Variants in ARHGAP32 observed in about 807,000 individuals in gnomAD.
ARHGAP32 encodes Rho GTPase activating protein 32, also known as rho GTPase-activating protein 32.
ARHGAP32 carries 51 observed loss-of-function variants against 186.5 expected under a neutral mutation model. That is an observed-to-expected ratio of 0.27 (90% confidence interval 0.22 to 0.35). The LOEUF (loss-of-function observed/expected upper bound fraction) is 0.35. Ranked by LOEUF, ARHGAP32 falls within the 10% of genes least tolerant of loss-of-function variation. The probability of loss-of-function intolerance (pLI) is 1.00; values close to 1 mark genes in which losing one functional copy is unlikely to be tolerated. For synonymous variants in ARHGAP32, 950 were observed against 964.3 expected (o/e 0.99, Z 0.27); for missense variants, 2,186 against 2,623.5 (o/e 0.83, Z 3.64).
intron 1 of ARHGAP32, among the ~76,000 whole-genome samples, chr11:129,166,242 A>G (rs1413317382): frequency 6.6e-6 from 1 of 152,064 alleles, no homozygotes; most frequent in African/African-American, 2.4e-5. Context: ...AGTATAAAGG[A>G]TGAGAGACTT....
intron 1 of ARHGAP32, among the ~76,000 whole-genome samples, chr11:129,271,418 G>A (rs571936254): frequency 6.6e-6 from 1 of 152,216 alleles, no homozygotes; most frequent in Admixed American, 6.5e-5. Flanking sequence ...CGCAAGTGGT[G>A]GATGATGATG....
At chr11:129,018,679 A>T (rs1938465293) in intron 11 of ARHGAP32, among the ~76,000 whole-genome samples, 1 of 152,194 alleles carries the variant, frequency 6.6e-6, no homozygotes. Flanking sequence ...AGCTTAACCA[A>T]CAAAGCTTTT....
At chr11:129,237,167 G>A (rs1052979639) in intron 1 of ARHGAP32, among the ~76,000 whole-genome samples, 6 of 152,086 alleles carry the variant, frequency 3.9e-5, no homozygotes, top group Non-Finnish European at 8.8e-5. Context: ...TTTTGTTGAG[G>A]ATTTTGGCAT....
chr11:129,265,219 T>C (rs1945380498), intron 1 of ARHGAP32, among the ~76,000 whole-genome samples: 1 of 152,190 alleles, frequency 6.6e-6, no homozygotes. Flanking sequence ...TGCATTCTAG[T>C]ACCTATCATC....
chr11:129,133,098 C>T (rs151302777), intron 2 of ARHGAP32, among the ~76,000 whole-genome samples: 1,537 of 152,064 alleles, frequency 0.01, 27 homozygotes, highest in African/African-American at 0.035. Flanking sequence ...GAAGGAGGCA[C>T]GTCTTACATG....
At chr11:129,042,474 T>C (rs1022946219) in intron 10 of ARHGAP32, among the ~76,000 whole-genome samples, 1 of 152,232 alleles carries the variant, frequency 6.6e-6, no homozygotes, top group Admixed American at 6.5e-5. Context: ...CTCAACTTCC[T>C]ATTTTACGGA....
upstream of ARHGAP32, among the ~76,000 whole-genome samples, chr11:129,193,584 TATAATATATGTTATATATAATATATA>T (rs1944324853): frequency 1.5e-4 from 8 of 52,358 alleles, no homozygotes; most frequent in African/African-American, 5.3e-4. Flanking sequence ...ATATATATTA[TATAATATATGTTATATATAATATATA>T]ATATATGTTA....
intron 11 of ARHGAP32, among the ~76,000 whole-genome samples, chr11:129,009,583 C>T (rs1937967595): frequency 1.3e-5 from 2 of 152,166 alleles, no homozygotes; most frequent in Admixed American, 6.5e-5. Flanking sequence ...TGAGAACATG[C>T]AGTGTTTAGT....
At chr11:129,103,254 G>A (rs897216996) in intron 5 of ARHGAP32, among the ~76,000 whole-genome samples, 2 of 152,016 alleles carry the variant, frequency 1.3e-5, no homozygotes, top group South Asian at 2.1e-4. Flanking sequence ...TAGAAAATGC[G>A]AAAAATGATT....
At chr11:129,161,415 AG>A (rs1943527089) in intron 2 of ARHGAP32, among the ~76,000 whole-genome samples, 1 of 152,162 alleles carries the variant, frequency 6.6e-6, no homozygotes, top group African/African-American at 2.4e-5. Flanking sequence ...CATCTGACAA[AG>A]GGCTAATATC....
At chr11:129,214,059 G>A (rs1220961611) in intron 1 of ARHGAP32, among the ~76,000 whole-genome samples, 1 of 151,844 alleles carries the variant, frequency 6.6e-6, no homozygotes, top group Non-Finnish European at 1.5e-5. Flanking sequence ...AAGACTGGGG[G>A]ACATTCTACA....
intron 1 of ARHGAP32, among the ~76,000 whole-genome samples, chr11:129,275,650 C>G (rs1945521128): frequency 6.6e-6 from 1 of 152,108 alleles, no homozygotes; most frequent in Non-Finnish European, 1.5e-5. Flanking sequence ...GCAGGCCGAG[C>G]TATGAAAGTA....
At chr11:129,261,844 T>C (rs1214832736) in intron 1 of ARHGAP32, among the ~76,000 whole-genome samples, 1 of 152,184 alleles carries the variant, frequency 6.6e-6, no homozygotes, top group Non-Finnish European at 1.5e-5. Context: ...CCAAAACATA[T>C]TAGAATCTTA....
upstream of ARHGAP32, among the ~76,000 whole-genome samples, chr11:129,194,672 C>A (rs990219451): frequency 5.3e-5 from 8 of 151,892 alleles, no homozygotes; most frequent in Non-Finnish European, 1.2e-4. Flanking sequence ...CACGCTTGAA[C>A]CCGGGAGGTG....
intron 2 of ARHGAP32, among the ~76,000 whole-genome samples, chr11:129,155,149 A>G (rs1357842233): frequency 6.6e-6 from 1 of 152,244 alleles, no homozygotes; most frequent in Non-Finnish European, 1.5e-5. Context: ...AGAATGGCAG[A>G]GGTGAATAGC....
At chr11:129,223,796 G>A (rs982701636) in intron 1 of ARHGAP32, among the ~76,000 whole-genome samples, 3 of 152,138 alleles carry the variant, frequency 2.0e-5, no homozygotes, top group African/African-American at 7.2e-5. Flanking sequence ...ATTTCCCAAA[G>A]AACATTAAGC....
At chr11:129,041,495 A>T (rs868506366) in intron 10 of ARHGAP32, among the ~76,000 whole-genome samples, 5 of 146,900 alleles carry the variant, frequency 3.4e-5, no homozygotes, top group Middle Eastern at 7.1e-3. Context: ...GGTTTCATAA[A>T]AAAAAAAAAA....
intron 17 of ARHGAP32, 113 bp from the exon 18 acceptor site, chr11:128,980,861 G>A: frequency 1.2e-6 from 1 of 816,180 alleles, no homozygotes; most frequent in Middle Eastern, 2.9e-4. Flanking sequence ...TTTTCTTCAA[G>A]TATGTTAAAT....
intron 11 of ARHGAP32, 25 bp downstream of exon 11, chr11:129,040,903 A>C (rs1276044985): frequency 1.4e-5 from 21 of 1,540,768 alleles, no homozygotes; most frequent in Non-Finnish European, 1.9e-5. Context: ...TAAAATAACT[A>C]CACTAGTGAA....
Sources: allele counts gnomAD v4.1 joint callset (sites outside exome capture counted in the v4.1 genomes callset), GRCh38; gene constraint gnomAD v4.1.1; transcripts MANE v1.5; gene names NCBI Gene and HGNC (gene_info 2026-07-23, HGNC 2026-07-21).